The following ADSS2 variants were observed in gnomAD, a reference collection of about 807,000 sequenced individuals.
ADSS2 encodes the protein adenylosuccinate synthase 2, also known as adenylosuccinate synthetase isozyme 2.
ADSS2 carries 30 observed loss-of-function variants against 60.0 expected under a neutral mutation model. The ratio of observed to expected loss-of-function variants is 0.50; its 90% CI spans 0.37 to 0.68. The LOEUF is 0.68. Ranked by LOEUF, ADSS2 falls within the 30% of genes least tolerant of loss-of-function variation. The pLI is 0.00. For synonymous variants in ADSS2, 187 were observed against 193.1 expected, an observed-to-expected ratio of 0.97 and a Z score of 0.26; for missense variants, 373 against 554.8, an observed-to-expected ratio of 0.67 and a Z score of 3.29.
At chr1:244,450,321 A>G (rs1665510057) in intron 1 of ADSS2, among the ~76,000 whole-genome samples, 1 of 152,212 alleles carries the variant, frequency 6.6e-6, no homozygotes, top group Non-Finnish European at 1.5e-5. Flanking sequence ...GCTGGAAGGG[A>G]AGGAGGGAGA....
intron 4 of ADSS2, among the ~76,000 whole-genome samples, chr1:244,431,334 T>C (rs1664939825): frequency 6.6e-6 from 1 of 152,194 alleles, no homozygotes; most frequent in Non-Finnish European, 1.5e-5. Context: ...ATGTTATCAT[T>C]TGGGACTGCA....
chr1:244,446,994 T>G (rs543241660), intron 1 of ADSS2, among the ~76,000 whole-genome samples: 11 of 152,152 alleles, frequency 7.2e-5, no homozygotes, highest in Non-Finnish European at 1.5e-4. Flanking sequence ...AAAAAAGAAT[T>G]TTGTTATATG....
At chr1:244,450,327 G>A (rs1665510852) in intron 1 of ADSS2, among the ~76,000 whole-genome samples, 1 of 152,178 alleles carries the variant, frequency 6.6e-6, no homozygotes, top group African/African-American at 2.4e-5. Flanking sequence ...AGGGAAGGAG[G>A]GAGAGGTGGT....
intron 9 of ADSS2, among the ~76,000 whole-genome samples, chr1:244,418,032 T>G (rs913942707): frequency 5.9e-5 from 9 of 152,170 alleles, no homozygotes; most frequent in Admixed American, 5.2e-4. Context: ...AAAAAAGTAT[T>G]TATTAAATAG....
At position 244,411,280 on chromosome 1, in the gene ADSS2, T is replaced by C. The variant is rs760679580; in HGVS notation, c.1318+7A>G. 4.4e-6 allele frequency: 7 copies of C among 1,602,196 alleles called. No homozygotes were observed. The highest frequency in any genetic ancestry group is 2.3e-5 in the South Asian group (2 of 87,964). ...AAAAAACTTATTCACAAAGTGTTTATGTTTACCTGGAATTTGAAGCTCATC... is the reference window on the plus strand; with the variant it reads ...AAAAAACTTATTCACAAAGTGTTTACGTTTACCTGGAATTTGAAGCTCATC... On this transcript the variant is annotated splice_region_variant and intron_variant, in intron 12 of 12. Coordinates refer to ENST00000366535, the MANE Select transcript of ADSS2 (RefSeq NM_001126.5).
In ADSS2 at chr1:244,419,978, C is replaced by T. The variant is rs535668791; in HGVS notation, c.790+192G>A. On this transcript the variant is annotated intron_variant, in intron 8 of 12. Coordinates refer to ENST00000366535, the MANE Select transcript of ADSS2 (RefSeq NM_001126.5). ...TTTATTTTTCTAATAAAATAGGGAA[C>T]GTAACACATGTATTGTGTGTTCTGC... 4.9e-4 allele frequency among the ~76,000 whole-genome samples: 75 copies of T among 152,100 alleles called. 1 individual carries two copies. The highest frequency in any genetic ancestry group is 7.6e-4 in the Non-Finnish European group (52 of 68,016).
In ADSS2 at chr1:244,419,685, G is replaced by A. The variant is rs148241403; in HGVS notation, c.790+485C>T. 3.9e-5 allele frequency among the ~76,000 whole-genome samples: 6 copies of A among 152,318 alleles called. No individual in the cohort carries two copies. The East Asian group carries it at 1.2e-3, about 29-fold the overall frequency. On this transcript the variant is annotated intron_variant, in intron 8 of 12. Transcript: ENST00000366535. ...CGGTCAACAAACTAATGAGGCAGTA[G>A]TTTGACAAAAGAAGTTAAGCATTAA...
chr1:244,411,555 A>T, intron 11 of ADSS2, 119 bp from the exon 12 acceptor site: 1 of 1,059,792 alleles, frequency 9.4e-7, no homozygotes, highest in East Asian at 2.5e-5. Flanking sequence ...ATGTTTTGGG[A>T]TTTAGAATTC....
At chr1:244,417,556 T>G (rs943558969) in intron 10 of ADSS2, 72 bp downstream of exon 10, 21 of 1,548,478 alleles carry the variant, frequency 1.4e-5, no homozygotes, top group Admixed American at 1.8e-5. Context: ...ATTAAGGTAC[T>G]CCACAAAATT....
At chr1:244,413,497 A>G (rs1664462755) in intron 11 of ADSS2, among the ~76,000 whole-genome samples, 1 of 152,164 alleles carries the variant, frequency 6.6e-6, no homozygotes, top group African/African-American at 2.4e-5. Context: ...CTGCCTAGGG[A>G]CCATTTCCTG....
chr1:244,417,801 A>C, intron 9 of ADSS2, 49 bp from the exon 10 acceptor site: 2 of 1,556,034 alleles, frequency 1.3e-6, no homozygotes, highest in Non-Finnish European at 1.8e-6. Flanking sequence ...AGTGCTATAT[A>C]TCTGGTGGAA....
At chr1:244,417,885 G>A (rs1337276081) in intron 9 of ADSS2, 133 bp from the exon 10 acceptor site, 4 of 786,768 alleles carry the variant, frequency 5.1e-6, no homozygotes, top group African/African-American at 1.8e-5. Flanking sequence ...ATTGAAGATA[G>A]AATTCCACAG....
At position 244,436,822 on chromosome 1, in the gene ADSS2, T is replaced by A; in HGVS notation, c.355+3A>T. Reference sequence around the variant, plus strand: ...GTTACCAAGTAGACTCATTCTTTCATACCTTTTCCTTTTTGAACATTTTTC... The same window carrying A: ...GTTACCAAGTAGACTCATTCTTTCAAACCTTTTCCTTTTTGAACATTTTTC... On this transcript the variant is annotated splice_donor_region_variant and intron_variant, in intron 3 of 12. Coordinates refer to ENST00000366535, the MANE Select transcript of ADSS2 (RefSeq NM_001126.5). The A allele has an allele frequency of 6.2e-7, 1 of 1,607,944 alleles. No individual in the cohort carries two copies. The highest frequency in any genetic ancestry group is 8.5e-7 in the Non-Finnish European group (1 of 1,175,344).
chr1:244,436,741 C>A lies in ADSS2; in HGVS notation c.355+84G>T, dbSNP rs1052348186. Reference sequence around the variant, plus strand: ...TAGCCCGAAATTTTAAAGCATAAGACAAACATGTTGTTCGTCTGGCATAAG... The same window carrying A: ...TAGCCCGAAATTTTAAAGCATAAGAAAAACATGTTGTTCGTCTGGCATAAG... On this transcript the variant is annotated intron_variant, in intron 3 of 12. Transcript: ENST00000366535. 8 of 1,225,056 alleles carry A rather than the reference C, an allele frequency of 6.5e-6. No individual in the cohort carries two copies. The East Asian group carries it at 1.9e-4, about 29-fold the overall frequency. The allele number at this position is 1,225,056 out of a possible 1,614,324, so 75.9% of individuals were successfully genotyped here.
intron 1 of ADSS2, among the ~76,000 whole-genome samples, chr1:244,438,045 A>C (rs1346610523): frequency 6.6e-6 from 1 of 152,332 alleles, no homozygotes; most frequent in East Asian, 1.9e-4. Context: ...AAGAGGGGAA[A>C]AAAAGTGAAA....
intron 11 of ADSS2, among the ~76,000 whole-genome samples, chr1:244,413,603 T>G (rs111314791): frequency 0.035 from 5,299 of 152,114 alleles, 118 homozygotes; most frequent in Middle Eastern, 0.082. Context: ...GCAGCTAGAA[T>G]CAGCAGCGCC....
At chr1:244,430,138 TAAA>T (rs750794312) in intron 4 of ADSS2, among the ~76,000 whole-genome samples, 1 of 152,094 alleles carries the variant, frequency 6.6e-6, no homozygotes, top group Non-Finnish European at 1.5e-5. Flanking sequence ...TAACTATAAA[TAAA>T]ATAATAATAT....
intron 11 of ADSS2, among the ~76,000 whole-genome samples, chr1:244,414,099 T>C (rs780111630): frequency 5.3e-5 from 8 of 152,104 alleles, no homozygotes; most frequent in Admixed American, 3.3e-4. Context: ...CAGTGAATAA[T>C]TCAATCGTCC....
In ADSS2 at chr1:244,441,018, ATATAT is replaced by A. The variant is rs367683317; in HGVS notation, c.184-3255_184-3251del. On this transcript the variant is annotated intron_variant, in intron 1 of 12. Transcript: ENST00000366535. ...ATCAATTCTGATAGAATCCTAGGAC[ATATAT>A]TATACACCAAAAGAACATTAATTAT... Among the ~76,000 whole-genome samples the A allele has an allele frequency of 2.1e-4, 32 of 151,956 alleles. 1 individual carries two copies. The highest frequency in any genetic ancestry group is 7.7e-4 in the African/African-American group (32 of 41,428).
Sources: gnomAD v4.1 joint callset for allele counts (sites outside exome capture counted in the v4.1 genomes callset) on GRCh38, gnomAD v4.1.1 for gene constraint, MANE v1.5 for transcripts, NCBI Gene and HGNC (gene_info 2026-07-23, HGNC 2026-07-21) for gene names.